Variants in PARD3B observed in about 807,000 individuals in gnomAD.
PARD3B encodes par-3 family cell polarity regulator beta.
Under a neutral mutation model 130.2 loss-of-function variants are expected in PARD3B, and 103 were observed. The ratio of observed to expected loss-of-function variants is 0.79; its 90% CI spans 0.67 to 0.93. The LOEUF is 0.93. Ranked by LOEUF, PARD3B falls within the 40% of genes least tolerant of loss-of-function variation. The pLI is 0.00. For missense variants in PARD3B, 1,609 were observed against 1,499.2 expected (o/e 1.07, Z -1.21); for synonymous variants, 583 against 553.2 (o/e 1.05, Z -0.76).
chr2:205,599,052 A>G (rs1341131648), intron 22 of PARD3B, among the ~76,000 whole-genome samples: 1 of 152,198 alleles, frequency 6.6e-6, no homozygotes, highest in Non-Finnish European at 1.5e-5. Flanking sequence ...TCACACCTAC[A>G]GGAATTAGAA....
At chr2:205,573,503 C>T (rs2053632312) in intron 22 of PARD3B, among the ~76,000 whole-genome samples, 1 of 152,126 alleles carries the variant, frequency 6.6e-6, no homozygotes, top group African/African-American at 2.4e-5. Context: ...CCATGGCAAC[C>T]ACCTCATGAG....
chr2:205,354,458 A>T (rs571579599), intron 18 of PARD3B, among the ~76,000 whole-genome samples: 3 of 101,030 alleles, frequency 3.0e-5, no homozygotes, highest in Middle Eastern at 4.9e-3. Flanking sequence ...TTAAAGTATA[A>T]TAAAAAAAAT....
rs2040648636 is a variant in PARD3B at position 205,269,781 on chromosome 2, T to TA, written c.2185+23963dup. Reference sequence around the variant, plus strand: ...AGCAAGCAAGGGGAAATGGATAAGCTAAAAGGCAGCTATGTGCTTCTCTCC... The same window carrying TA: ...AGCAAGCAAGGGGAAATGGATAAGCTAAAAAGGCAGCTATGTGCTTCTCTCC... On this transcript the variant is annotated intron_variant, in intron 16 of 22. Coordinates refer to ENST00000406610, the MANE Select transcript of PARD3B (RefSeq NM_001302769.2). The surrounding 1 kb of genome is among the most constrained non-coding windows in gnomAD (Gnocchi z 4.7). 6.6e-6 allele frequency among the ~76,000 whole-genome samples: 1 copy of TA among 152,186 alleles called. No individual in the cohort carries two copies. Among genetic ancestry groups the TA allele is most frequent in the African/African-American group, 2.4e-5 (1 of 41,454 alleles).
At chr2:205,136,527 G>A (rs921840091) in intron 10 of PARD3B, among the ~76,000 whole-genome samples, 1 of 152,156 alleles carries the variant, frequency 6.6e-6, no homozygotes, top group African/African-American at 2.4e-5. Context: ...TTATGGAAAT[G>A]CCTGCCTTAG....
chr2:205,023,875 A>T (rs1331761569), intron 3 of PARD3B, among the ~76,000 whole-genome samples: 2 of 152,012 alleles, frequency 1.3e-5, no homozygotes, highest in African/African-American at 4.8e-5. Context: ...GGTAGCATCT[A>T]CTTGATTTGC....
chr2:204,835,139 T>C (rs2043981019), intron 2 of PARD3B, among the ~76,000 whole-genome samples: 1 of 152,224 alleles, frequency 6.6e-6, no homozygotes, highest in African/African-American at 2.4e-5. Context: ...TGTGGAGTCA[T>C]GTATATATCT....
intron 10 of PARD3B, among the ~76,000 whole-genome samples, chr2:205,134,737 T>C (rs2125655519): frequency 6.6e-6 from 1 of 152,260 alleles, no homozygotes; most frequent in Non-Finnish European, 1.5e-5. Flanking sequence ...TACTGAACTA[T>C]TGTCAGCAAA....
chr2:205,440,804 C>T lies in PARD3B; in HGVS notation c.3044+132C>T. ...AACGAGTCAGTACCCTAGACAAGTG[C>T]CATCCTTTGACCGACCTGTAAGATA... On this transcript the variant is annotated intron_variant, in intron 20 of 22. Transcript: ENST00000406610. This position sits in a 1 kb window ranked among gnomAD's most constrained non-coding sequence, Gnocchi z 4.2. 5 of 954,058 alleles carry T rather than the reference C, an allele frequency of 5.2e-6. No homozygotes were observed. Among genetic ancestry groups the T allele is most frequent in the Non-Finnish European group, 7.7e-6 (5 of 652,866 alleles). The allele number at this position is 954,058 out of a possible 1,614,324, so 59.1% of individuals were successfully genotyped here.
intron 16 of PARD3B, among the ~76,000 whole-genome samples, chr2:205,256,805 C>T (rs544395476): frequency 2.3e-4 from 35 of 152,000 alleles, no homozygotes; most frequent in African/African-American, 7.5e-4. Context: ...GGCTGAATCC[C>T]GGAGTCATAC....
intron 2 of PARD3B, among the ~76,000 whole-genome samples, chr2:204,736,351 TTTTGAGA>T (rs2039750162): frequency 6.6e-6 from 1 of 152,126 alleles, no homozygotes; most frequent in South Asian, 2.1e-4. Context: ...TAGTGATGAA[TTTTGAGA>T]TTTTAGTGTA....
rs1193346874 is a variant in PARD3B, at chr2:205,440,524, G to C, written c.2896G>C (p.Ala966Pro). Residue 966 changes from alanine to proline, a missense_variant, in exon 20 of 23, where the codon GCA (alanine) becomes CCA (proline). Transcript: ENST00000406610. This position sits in a 1 kb window ranked among gnomAD's most constrained non-coding sequence, Gnocchi z 4.2. ...CCACTTTCGGGAACCATGCACATCAGCAAATGTCTTTAGATCTCCATCTCC... is the reference window on the plus strand; with the variant it reads ...CCACTTTCGGGAACCATGCACATCACCAAATGTCTTTAGATCTCCATCTCC... ...VNHFREPCTS[A>P]NVFRSPSPPR... 5 of 1,613,944 alleles carry C rather than the reference G, an allele frequency of 3.1e-6. No homozygotes were observed. In the South Asian group the frequency reaches 4.4e-5, roughly 14 times the overall value.
At chr2:205,042,998 G>T (rs1698499872) in intron 3 of PARD3B, among the ~76,000 whole-genome samples, 1 of 151,302 alleles carries the variant, frequency 6.6e-6, no homozygotes, top group Non-Finnish European at 1.5e-5. Context: ...AAGGAACATT[G>T]TTGTTCCTTG....
chr2:205,126,191 G>T (rs769182301), intron 10 of PARD3B, among the ~76,000 whole-genome samples: 1 of 152,092 alleles, frequency 6.6e-6, no homozygotes, highest in African/African-American at 2.4e-5. Context: ...TAGAACAAGG[G>T]TATTTAACCT....
chr2:204,746,124 C>A (rs1272261124), intron 2 of PARD3B, among the ~76,000 whole-genome samples: 3 of 95,928 alleles, frequency 3.1e-5, no homozygotes, highest in Admixed American at 1.3e-4. Flanking sequence ...AATGCTATCC[C>A]TCCCCCCTCC....
At chr2:204,697,289 T>C (rs914582418) in intron 2 of PARD3B, among the ~76,000 whole-genome samples, 1 of 152,084 alleles carries the variant, frequency 6.6e-6, no homozygotes, top group African/African-American at 2.4e-5. Context: ...AAGTACCTAG[T>C]GTTAAGACTG....
chr2:205,210,206 A>C (rs562441049), intron 15 of PARD3B, among the ~76,000 whole-genome samples: 1 of 152,168 alleles, frequency 6.6e-6, no homozygotes, highest in African/African-American at 2.4e-5. Flanking sequence ...TCTCTACAAA[A>C]AAAATTTTAA....
rs1158671900 is a variant in PARD3B at position 205,479,294 on chromosome 2, TA to T, written c.3045-20601del. Among the ~76,000 whole-genome samples the T allele has an allele frequency of 4.0e-4, 61 of 152,250 alleles. 1 individual carries two copies. In the East Asian group the frequency reaches 0.011, roughly 29 times the overall value. ...ACTTCTCCTTCATTGCACACTTTCT[TA>T]TTATCACCTCCCACAAAAACTCATT... On this transcript the variant is annotated intron_variant, in intron 20 of 22. Coordinates refer to ENST00000406610, the MANE Select transcript of PARD3B (RefSeq NM_001302769.2).
Position 205,238,916 on chromosome 2 carries a change from GTA to G in PARD3B, c.2141-6850_2141-6849del, listed in dbSNP as rs747790189. On this transcript the variant is annotated intron_variant, in intron 15 of 22. Transcript: ENST00000406610. ...TATATATATATATATATATGTATGT[GTA>G]TATATATATATGTATGTGCATATAT... Among the ~76,000 whole-genome samples the G allele has an allele frequency of 2.5e-3, 297 of 118,446 alleles. 3 individuals are homozygous for G. Among genetic ancestry groups the G allele is most frequent in the East Asian group, 0.019 (71 of 3,764 alleles). The allele number at this position is 118,446 out of a possible 152,430, so 77.7% of individuals were successfully genotyped here.
chr2:205,214,632 T>C (rs532957331), intron 15 of PARD3B, among the ~76,000 whole-genome samples: 1 of 152,218 alleles, frequency 6.6e-6, no homozygotes, highest in African/African-American at 2.4e-5. Context: ...AAAGCAATTT[T>C]TGTATTTAGG....
Sources: allele counts gnomAD v4.1 joint callset (sites outside exome capture counted in the v4.1 genomes callset), GRCh38; gene constraint gnomAD v4.1.1; non-coding constraint Gnocchi (gnomAD v3.1); transcripts MANE v1.5; gene names NCBI Gene and HGNC (gene_info 2026-07-23, HGNC 2026-07-21).